The following NBAS variants were observed in gnomAD, a reference collection of about 807,000 sequenced individuals.
NBAS encodes NBAS subunit of NRZ tethering complex.
Under a neutral mutation model 302.5 loss-of-function variants are expected in NBAS, and 219 were observed. The ratio of observed to expected loss-of-function variants is 0.72; its 90% confidence interval spans 0.65 to 0.81. The LOEUF (loss-of-function observed/expected upper bound fraction) is 0.81. Ranked by LOEUF, NBAS falls within the 30% of genes least tolerant of loss-of-function variation. The pLI, the probability that NBAS is intolerant of heterozygous loss-of-function variation, is 0.00. For missense variants in NBAS, 2,932 were observed against 2,841.6 expected (o/e 1.03, Z -0.72); for synonymous variants, 1,118 against 1,021.6 (o/e 1.09, Z -1.80).
the NBAS span, among the ~76,000 whole-genome samples, chr2:15,034,470 G>A: frequency 6.6e-6 from 1 of 152,060 alleles, no homozygotes; most frequent in Non-Finnish European, 1.5e-5. Context: ...TTTCAGAACT[G>A]TGAAAAATAA....
chr2:15,463,398 C>T (rs1490663048), intron 19 of NBAS, among the ~76,000 whole-genome samples: 1 of 152,122 alleles, frequency 6.6e-6, no homozygotes, highest in East Asian at 1.9e-4. Context: ...CTGTATGAAA[C>T]ACTTCAATGT....
chr2:14,891,335 GA>G, the NBAS span, among the ~76,000 whole-genome samples: 2 of 151,096 alleles, frequency 1.3e-5, no homozygotes, highest in African/African-American at 4.8e-5. Context: ...TAAAATGTTT[GA>G]TTTTTTTTTT....
chr2:14,993,237 G>A, the NBAS span, among the ~76,000 whole-genome samples: 1 of 152,094 alleles, frequency 6.6e-6, no homozygotes, highest in Non-Finnish European at 1.5e-5. Flanking sequence ...TGGACACTAG[G>A]GGAGGCTAAA....
chr2:15,229,012 G>A (rs141935290), intron 47 of NBAS, among the ~76,000 whole-genome samples: 1 of 152,234 alleles, frequency 6.6e-6, no homozygotes, highest in East Asian at 1.9e-4. Context: ...TAAAATGATG[G>A]ATATGGTAAT....
At chr2:15,163,774 G>A (rs917362395), downstream of NBAS, among the ~76,000 whole-genome samples, 24 of 151,284 alleles carry the variant, frequency 1.6e-4, no homozygotes, top group African/African-American at 3.4e-4. Context: ...AAACAGGGGA[G>A]TTCAGACACT....
intron 16 of NBAS, among the ~76,000 whole-genome samples, chr2:15,472,351 A>G (rs74354380): frequency 0.025 from 3,875 of 152,270 alleles, 175 homozygotes; most frequent in African/African-American, 0.088. Flanking sequence ...AGTTTCAGTG[A>G]CACTCTCATG....
chr2:14,789,299 C>A, the NBAS span, among the ~76,000 whole-genome samples: 1 of 152,212 alleles, frequency 6.6e-6, no homozygotes, highest in South Asian at 2.1e-4. Flanking sequence ...TGAGGCAATG[C>A]CTCACCCTGC....
intron 10 of NBAS, among the ~76,000 whole-genome samples, chr2:15,506,657 A>G (rs1164733555): frequency 6.6e-6 from 1 of 152,192 alleles, no homozygotes; most frequent in African/African-American, 2.4e-5. Flanking sequence ...TCCAACCACA[A>G]GAATGACTGG....
the NBAS span, among the ~76,000 whole-genome samples, chr2:14,921,234 C>A: frequency 6.6e-6 from 1 of 152,088 alleles, no homozygotes. Flanking sequence ...AGTCAGAACA[C>A]ACACAACATT....
At chr2:15,248,510 A>C (rs1168528333) in intron 44 of NBAS, among the ~76,000 whole-genome samples, 3 of 152,194 alleles carry the variant, frequency 2.0e-5, no homozygotes, top group African/African-American at 7.2e-5. Flanking sequence ...TCAAAAAATC[A>C]ATGAATCCAG....
chr2:15,009,697 T>TATATATACATATATATGTAGGAATGC, the NBAS span, among the ~76,000 whole-genome samples: 23 of 28,594 alleles, frequency 8.0e-4, no homozygotes, highest in African/African-American at 1.9e-3. Flanking sequence ...GGAATGCATA[T>TATATATACATATATATGTAGGAATGC]ATATATATAT....
chr2:15,402,392 T>C (rs1676199157), intron 25 of NBAS, 91 bp from the exon 26 acceptor site: 32 of 1,202,192 alleles, frequency 2.7e-5, no homozygotes, highest in Non-Finnish European at 3.8e-5. Context: ...GAATATTAAA[T>C]AGCACAATTA....
intron 21 of NBAS, among the ~76,000 whole-genome samples, chr2:15,443,915 A>G (rs569763400): frequency 5.3e-5 from 8 of 152,286 alleles, no homozygotes; most frequent in Non-Finnish European, 7.3e-5. Flanking sequence ...TGCTTCAAAG[A>G]GAATAAAATA....
At chr2:15,179,338 G>C in intron 50 of NBAS, 1 of 584,542 alleles carries the variant, frequency 1.7e-6, no homozygotes, top group Non-Finnish European at 3.0e-6. Flanking sequence ...GATATTCATC[G>C]ACAATATTGC....
chr2:14,950,797 G>A, the NBAS span, among the ~76,000 whole-genome samples: 3 of 152,310 alleles, frequency 2.0e-5, no homozygotes, highest in South Asian at 4.1e-4. Context: ...AAAAAAGAAA[G>A]TATTGCTTCT....
At chr2:15,502,636 C>A (rs1302138563) in intron 11 of NBAS, among the ~76,000 whole-genome samples, 1 of 152,180 alleles carries the variant, frequency 6.6e-6, no homozygotes, top group African/African-American at 2.4e-5. Context: ...ACAAATGGAA[C>A]ATGTGTATAG....
intron 40 of NBAS, among the ~76,000 whole-genome samples, chr2:15,298,729 TTTCATACG>T (rs1558513678): frequency 6.6e-6 from 1 of 152,210 alleles, no homozygotes; most frequent in African/African-American, 2.4e-5. Flanking sequence ...CAACACTGCA[TTTCATACG>T]TTCATTTATT....
At chr2:14,834,425 C>T in the NBAS span, among the ~76,000 whole-genome samples, 1 of 152,096 alleles carries the variant, frequency 6.6e-6, no homozygotes, top group South Asian at 2.1e-4. Context: ...GACAATGAAG[C>T]TTCTGGAATC....
chr2:15,218,721 T>G (rs914534797), intron 48 of NBAS, 52 bp downstream of exon 48: 3 of 1,612,342 alleles, frequency 1.9e-6, no homozygotes, highest in Non-Finnish European at 2.5e-6. Context: ...AGCAACCGCG[T>G]CCGGCCTAAT....
Sources: allele counts gnomAD v4.1 joint callset (sites outside exome capture counted in the v4.1 genomes callset), GRCh38; gene constraint gnomAD v4.1.1; transcripts MANE v1.5; gene names NCBI Gene and HGNC (gene_info 2026-07-23, HGNC 2026-07-21).